Variants in CCDC7 observed in about 807,000 individuals in gnomAD.
CCDC7 encodes the protein coiled-coil domain-containing protein 7.
Under a neutral mutation model 196.9 loss-of-function variants are expected in CCDC7, and 183 were observed. That is an observed-to-expected ratio of 0.93 (90% CI 0.82 to 1.05). CCDC7 has a LOEUF of 1.05. Among genes scored for constraint, CCDC7 ranks in the 50% least tolerant of loss-of-function variants. The pLI, the probability that CCDC7 is intolerant of heterozygous loss-of-function variation, is 0.00. For missense variants in CCDC7, 1,540 were observed against 1,482.2 expected (o/e 1.04, Z -0.64); for synonymous variants, 525 against 484.6 (o/e 1.08, Z -1.10).
intron 33 of CCDC7, among the ~76,000 whole-genome samples, chr10:32,843,835 T>C (rs907469577): frequency 6.6e-6 from 1 of 152,008 alleles, no homozygotes; most frequent in Non-Finnish European, 1.5e-5. Context: ...TGTGCTTATG[T>C]TCACAAAATA....
At chr10:32,498,730 C>G (rs1165441361) in intron 9 of CCDC7, among the ~76,000 whole-genome samples, 2 of 152,108 alleles carry the variant, frequency 1.3e-5, no homozygotes, top group African/African-American at 4.8e-5. Context: ...TTCTGGCTTG[C>G]ATGTTTTCTG....
At chr10:32,761,308 T>C (rs962103081) in intron 28 of CCDC7, among the ~76,000 whole-genome samples, 1 of 151,880 alleles carries the variant, frequency 6.6e-6, no homozygotes, top group African/African-American at 2.4e-5. Flanking sequence ...AATAAAAGGG[T>C]ATATGGTACT....
chr10:32,685,224 A>C (rs2076335387), intron 21 of CCDC7, among the ~76,000 whole-genome samples: 1 of 114,398 alleles, frequency 8.7e-6, no homozygotes, highest in South Asian at 2.6e-4. Context: ...TTTTTTTTTC[A>C]CTTAACATTA....
At chr10:32,716,679 C>T (rs984082781) in intron 25 of CCDC7, among the ~76,000 whole-genome samples, 1 of 152,104 alleles carries the variant, frequency 6.6e-6, no homozygotes, top group African/African-American at 2.4e-5. Flanking sequence ...CACACATAGC[C>T]TCAAAATAAT....
chr10:32,487,833 C>T (rs944688388), intron 8 of CCDC7, among the ~76,000 whole-genome samples: 1 of 152,320 alleles, frequency 6.6e-6, no homozygotes, highest in Middle Eastern at 3.4e-3. Context: ...GCTGCCTGAT[C>T]GTTCCTCTGG....
At chr10:32,533,246 A>AACACAC (rs58119017) in intron 11 of CCDC7, among the ~76,000 whole-genome samples, 9,526 of 144,564 alleles carry the variant, frequency 0.066, 328 homozygotes, top group Non-Finnish European at 0.078. Context: ...AAACAAAGGA[A>AACACAC]ACACACACAC....
intron 9 of CCDC7, chr10:32,512,140 A>T (rs1279360285): frequency 1.1e-5 from 2 of 178,116 alleles, no homozygotes; most frequent in East Asian, 3.1e-4. Context: ...TTGAGATCTC[A>T]ATTAGATATT....
At chr10:32,771,744 T>A (rs1193389313) in intron 28 of CCDC7, among the ~76,000 whole-genome samples, 1 of 152,196 alleles carries the variant, frequency 6.6e-6, no homozygotes, top group Non-Finnish European at 1.5e-5. Context: ...TGTGTTGGCT[T>A]TTTTGAACAC....
upstream of CCDC7, among the ~76,000 whole-genome samples, chr10:32,449,799 C>T (rs1162405065): frequency 6.6e-6 from 1 of 152,114 alleles, no homozygotes; most frequent in Non-Finnish European, 1.5e-5. Context: ...GTTATGAGTG[C>T]AGCACCCTCA....
intron 18 of CCDC7, among the ~76,000 whole-genome samples, chr10:32,594,918 T>G (rs2060162231): frequency 6.6e-6 from 1 of 152,230 alleles, no homozygotes. Context: ...TCGTGGTGGA[T>G]AAGCTTTTTG....
At chr10:32,642,365 C>A (rs941077160) in intron 20 of CCDC7, among the ~76,000 whole-genome samples, 1 of 152,206 alleles carries the variant, frequency 6.6e-6, no homozygotes, top group African/African-American at 2.4e-5. Context: ...GCCCCTCCCC[C>A]AGCCTGGCTG....
chr10:32,774,368 G>A (rs2079630308), intron 28 of CCDC7, among the ~76,000 whole-genome samples: 1 of 152,062 alleles, frequency 6.6e-6, no homozygotes, highest in Admixed American at 6.5e-5. Context: ...GGACAGGACT[G>A]GAGTGAGCTT....
intron 29 of CCDC7, among the ~76,000 whole-genome samples, chr10:32,790,360 C>T (rs1439262590): frequency 1.3e-5 from 2 of 152,230 alleles, no homozygotes; most frequent in African/African-American, 4.8e-5. Context: ...TTCTGCATGC[C>T]TGCGGAACTA....
intron 31 of CCDC7, among the ~76,000 whole-genome samples, chr10:32,821,087 C>G (rs1408636036): frequency 4.6e-5 from 7 of 152,164 alleles, no homozygotes; most frequent in Non-Finnish European, 1.0e-4. Context: ...GGCTAATATC[C>G]AGAATCTACA....
At chr10:32,697,050 T>A (rs1208083862) in intron 24 of CCDC7, among the ~76,000 whole-genome samples, 1 of 152,178 alleles carries the variant, frequency 6.6e-6, no homozygotes, top group East Asian at 1.9e-4. Context: ...ATATTATTAT[T>A]ACATTGTAAT....
intron 24 of CCDC7, among the ~76,000 whole-genome samples, chr10:32,704,794 G>A (rs570790693): frequency 2.6e-5 from 4 of 152,274 alleles, no homozygotes; most frequent in Middle Eastern, 6.8e-3. Flanking sequence ...CCGTCAGTCA[G>A]TGTAGCACTC....
intron 9 of CCDC7, among the ~76,000 whole-genome samples, chr10:32,507,793 A>G (rs943882980): frequency 1.3e-5 from 2 of 152,212 alleles, no homozygotes; most frequent in Non-Finnish European, 2.9e-5. Flanking sequence ...GATCATTTCA[A>G]TAGATGCAGA....
rs539656305 is a variant in CCDC7 at position 32,692,619 on chromosome 10, A to G, written c.2345-2260A>G. Among the ~76,000 whole-genome samples, 44 of 152,210 alleles carry G rather than the reference A, an allele frequency of 2.9e-4. No homozygotes were observed. In the South Asian group the frequency reaches 5.0e-3, roughly 17 times the overall value. On this transcript the variant is annotated intron_variant, in intron 23 of 41. Transcript: ENST00000639629. ...TCCAGAAAGGCTTTGTGCTTCATTG[A>G]CCACCCTGCTCTTTGTGGTAGTTTG... is the stretch of plus-strand genomic sequence containing the variant.
chr10:32,849,740 A>G (rs979839944), intron 39 of CCDC7, among the ~76,000 whole-genome samples: 2 of 151,830 alleles, frequency 1.3e-5, no homozygotes, highest in Admixed American at 1.3e-4. Context: ...AATAGAAAGC[A>G]AGAGTGTAAA....
Sources: gnomAD v4.1 joint callset for allele counts (sites outside exome capture counted in the v4.1 genomes callset) on GRCh38, gnomAD v4.1.1 for gene constraint, MANE v1.5 for transcripts, NCBI Gene and HGNC (gene_info 2026-07-23, HGNC 2026-07-21) for gene names.